SEMA6D: variants seen among roughly 807,000 people sequenced by gnomAD.
The protein encoded by SEMA6D is semaphorin-6D.
Under a neutral mutation model 106.6 loss-of-function variants are expected in SEMA6D, and 35 were observed. The observed-to-expected ratio is 0.33, with a 90% CI of 0.25 to 0.44. SEMA6D has a LOEUF of 0.44. Ranked by LOEUF, SEMA6D falls within the 20% of genes least tolerant of loss-of-function variation. The pLI, the probability that SEMA6D is intolerant of heterozygous loss-of-function variation, is 1.00. For synonymous variants in SEMA6D, 499 were observed against 487.7 expected (o/e 1.02, Z -0.31); for missense variants, 1,185 against 1,345.9 (o/e 0.88, Z 1.87).
chr15:47,526,525 C>A (rs2044761066), intron 3 of SEMA6D, among the ~76,000 whole-genome samples: 1 of 152,162 alleles, frequency 6.6e-6, no homozygotes, highest in Non-Finnish European at 1.5e-5. Flanking sequence ...AAGCAGCTAG[C>A]CAGTATTGGC....
chr15:47,423,545 A>G (rs934220968), intron 2 of SEMA6D, among the ~76,000 whole-genome samples: 4 of 152,142 alleles, frequency 2.6e-5, no homozygotes, highest in Non-Finnish European at 5.9e-5. Context: ...AACATAGACT[A>G]CAATTCAACC....
At chr15:47,494,741 G>GATAGATATATAT (rs1197901780) in intron 3 of SEMA6D, among the ~76,000 whole-genome samples, 22 of 32,980 alleles carry the variant, frequency 6.7e-4, no homozygotes, top group South Asian at 1.9e-3. Flanking sequence ...GTGGGATGGA[G>GATAGATATATAT]ATATATATAT....
At chr15:47,392,817 A>G (rs1162843708) in intron 1 of SEMA6D, among the ~76,000 whole-genome samples, 1 of 152,240 alleles carries the variant, frequency 6.6e-6, no homozygotes, top group Non-Finnish European at 1.5e-5. Flanking sequence ...CCAGTTGAGG[A>G]AGGTTGTCAC....
chr15:47,592,084 C>A (rs538693968), intron 3 of SEMA6D, among the ~76,000 whole-genome samples: 21 of 152,184 alleles, frequency 1.4e-4, no homozygotes, highest in African/African-American at 4.6e-4. Flanking sequence ...CTGAGTTTTC[C>A]AGCCCTAATC....
intron 1 of SEMA6D, among the ~76,000 whole-genome samples, chr15:47,220,094 A>T (rs1378216): frequency 0.012 from 1,852 of 152,246 alleles, 42 homozygotes; most frequent in Admixed American, 0.012. Context: ...TGTCACCTCC[A>T]CTATATTCTG....
intron 4 of SEMA6D, among the ~76,000 whole-genome samples, chr15:47,658,370 A>G (rs2077846930): frequency 6.6e-6 from 1 of 152,138 alleles, no homozygotes; most frequent in African/African-American, 2.4e-5. Context: ...CACGCCATCA[A>G]GTATTATGGT....
intron 1 of SEMA6D, among the ~76,000 whole-genome samples, chr15:47,199,196 A>C (rs1328442198): frequency 6.6e-6 from 1 of 152,192 alleles, no homozygotes; most frequent in Non-Finnish European, 1.5e-5. Flanking sequence ...AGGATAGTTA[A>C]ATAGACCTAT....
chr15:47,393,947 C>T (rs905233097), intron 1 of SEMA6D, among the ~76,000 whole-genome samples: 1 of 152,162 alleles, frequency 6.6e-6, no homozygotes, highest in African/African-American at 2.4e-5. Context: ...TTCATAAGGA[C>T]ACTGAGATTC....
chr15:47,483,828 G>C (rs2043220125), intron 3 of SEMA6D, among the ~76,000 whole-genome samples: 1 of 151,984 alleles, frequency 6.6e-6, no homozygotes, highest in Admixed American at 6.6e-5. Flanking sequence ...AGGAATATTG[G>C]CTATGCTATC....
intron 4 of SEMA6D, among the ~76,000 whole-genome samples, chr15:47,618,314 C>T (rs768702840): frequency 6.6e-6 from 1 of 152,184 alleles, no homozygotes; most frequent in Non-Finnish European, 1.5e-5. Context: ...GAGGTTTTTG[C>T]CTGACCTAGG....
intron 1 of SEMA6D, among the ~76,000 whole-genome samples, chr15:47,196,006 A>G (rs1894321437): frequency 7.3e-6 from 1 of 137,506 alleles, no homozygotes; most frequent in Non-Finnish European, 1.5e-5. Context: ...CAAGTTATCA[A>G]TGAAGGGGAA....
rs75923713 is a variant in SEMA6D, at chr15:47,532,314, A to G, written c.-87+61769A>G. ...ATGAATAAAGACATTTATTGAAAGA[A>G]TACAGTAAAATCTCCTAAAATCTAA... On this transcript the variant is annotated intron_variant, in intron 3 of 19. Coordinates refer to the SEMA6D transcript ENST00000558014. Among the ~76,000 whole-genome samples the G allele has an allele frequency of 3.3e-5, 5 of 152,350 alleles. No homozygotes were observed. The East Asian group carries it at 9.6e-4, about 29-fold the overall frequency.
At chr15:47,429,638 G>C (rs1418993660) in intron 2 of SEMA6D, among the ~76,000 whole-genome samples, 1 of 152,102 alleles carries the variant, frequency 6.6e-6, no homozygotes. Context: ...GGAATGCAGT[G>C]GGGCAGATGG....
At chr15:47,510,554 A>G (rs2044194275) in intron 3 of SEMA6D, among the ~76,000 whole-genome samples, 1 of 152,352 alleles carries the variant, frequency 6.6e-6, no homozygotes, top group East Asian at 1.9e-4. Flanking sequence ...GGAGAAATGT[A>G]TCATGGGATC....
At chr15:47,223,578 T>TTGTCATCTTAC (rs1555406582) in intron 1 of SEMA6D, among the ~76,000 whole-genome samples, 1 of 51,622 alleles carries the variant, frequency 1.9e-5, no homozygotes, top group Admixed American at 1.7e-4. Flanking sequence ...AGCTTGCGTG[T>TTGTCATCTTAC]GTCAGCTGGC....
chr15:47,646,965 G>A (rs765708907), intron 4 of SEMA6D, among the ~76,000 whole-genome samples: 2 of 152,174 alleles, frequency 1.3e-5, no homozygotes, highest in Non-Finnish European at 2.9e-5. Flanking sequence ...CATAACTGTG[G>A]TTAATTGTGC....
At chr15:47,541,334 G>T (rs193206774) in intron 3 of SEMA6D, among the ~76,000 whole-genome samples, 1 of 152,046 alleles carries the variant, frequency 6.6e-6, no homozygotes, top group Admixed American at 6.6e-5. Flanking sequence ...CTACAAAGAC[G>T]ATATCAGCAT....
intron 1 of SEMA6D, among the ~76,000 whole-genome samples, chr15:47,360,717 A>AT (rs777094335): frequency 2.0e-4 from 31 of 152,362 alleles, no homozygotes; most frequent in Non-Finnish European, 3.7e-4. Context: ...TTCAAAAAAC[A>AT]TTTTTATCCA....
At chr15:47,344,287 CT>C (rs2037953708) in intron 1 of SEMA6D, among the ~76,000 whole-genome samples, 1 of 152,084 alleles carries the variant, frequency 6.6e-6, no homozygotes, top group Non-Finnish European at 1.5e-5. Context: ...AAATAAATAT[CT>C]GAGGACTTCT....
Sources: allele counts gnomAD v4.1 joint callset (sites outside exome capture counted in the v4.1 genomes callset), GRCh38; gene constraint gnomAD v4.1.1; transcripts MANE v1.5; gene names NCBI Gene and HGNC (gene_info 2026-07-23, HGNC 2026-07-21).